Variants in CAPRIN1 observed in about 807,000 individuals in gnomAD.
The protein encoded by CAPRIN1 is caprin-1.
In CAPRIN1, 29 loss-of-function variants were observed where a neutral mutation model predicts 100.9. That is an observed-to-expected ratio of 0.29 (90% confidence interval 0.21 to 0.39). CAPRIN1 has a LOEUF of 0.39. CAPRIN1 is among the 10% of genes least tolerant of loss of function. The probability of loss-of-function intolerance (pLI) is 1.00; values close to 1 mark genes in which losing one functional copy is unlikely to be tolerated. For synonymous variants in CAPRIN1, 338 were observed against 307.5 expected (o/e 1.10, Z -1.04); for missense variants, 795 against 876.7 (o/e 0.91, Z 1.18).
chr11:34,081,289 C>G (rs1851023121), intron 7 of CAPRIN1, among the ~76,000 whole-genome samples: 1 of 151,776 alleles, frequency 6.6e-6, no homozygotes, highest in African/African-American at 2.4e-5. Context: ...CAACCTCTGC[C>G]TCCCGGGTTC....
At chr11:34,084,009 T>G (rs757117748) in intron 9 of CAPRIN1, among the ~76,000 whole-genome samples, 1 of 152,114 alleles carries the variant, frequency 6.6e-6, no homozygotes, top group Non-Finnish European at 1.5e-5. Flanking sequence ...ACAGAAGTTG[T>G]AGTGAGCTGA....
rs1457050046 is a variant in CAPRIN1, at chr11:34,101,530, G to A, written c.*2163G>A. Among the ~76,000 whole-genome samples the A allele has an allele frequency of 3.9e-5, 6 of 152,194 alleles. No homozygotes were observed. The highest frequency in any genetic ancestry group is 5.9e-5 in the Non-Finnish European group (4 of 68,010). ...ACTTCTATGCATTAGTGCAGATGTT[G>A]TGAATGTGTAAAGGTGTTCATAGTT... On this transcript the variant is annotated 3_prime_UTR_variant, in exon 19 of 19. Coordinates refer to ENST00000341394, the MANE Select transcript of CAPRIN1 (RefSeq NM_005898.5).
intron 18 of CAPRIN1, chr11:34,099,006 A>G: frequency 7.9e-7 from 1 of 1,259,090 alleles, no homozygotes; most frequent in African/African-American, 1.5e-5. Context: ...CCAACGCTTG[A>G]TGATGGTGCC....
rs1034433101 is a variant in CAPRIN1, at chr11:34,101,887, A to T, written c.*2520A>T. On this transcript the variant is annotated 3_prime_UTR_variant, in exon 19 of 19. Transcript: ENST00000341394. Reference sequence around the variant, plus strand: ...TGTAGCCTCTTGGTGTAGCAAGCTCACATACAAAATACTTTTGTATATGCA... The same window carrying T: ...TGTAGCCTCTTGGTGTAGCAAGCTCTCATACAAAATACTTTTGTATATGCA... Among the ~76,000 whole-genome samples, 3 of 152,222 alleles carry T rather than the reference A, an allele frequency of 2.0e-5. No homozygotes were observed. The highest frequency in any genetic ancestry group is 2.0e-4 in the Admixed American group (3 of 15,292).
Position 34,101,131 on chromosome 11 carries a change from A to G in CAPRIN1, c.*1764A>G, listed in dbSNP as rs977563062. ...GGGGATCTTCAATGTTTATTTTAAA[A>G]TAAAATAAAATAAGTTCTTGACTTT... On this transcript the variant is annotated 3_prime_UTR_variant, in exon 19 of 19. Transcript: ENST00000341394. The G allele has an allele frequency of 9.8e-5, 15 of 152,542 alleles. No individual in the cohort carries two copies. The East Asian group carries it at 2.7e-3, about 27-fold the overall frequency. The allele number at this position is 152,542 out of a possible 1,614,324, so 9.4% of individuals were successfully genotyped here. A position where few individuals can be genotyped will look rare whatever the true frequency, so the allele number is the denominator to read the frequency against.
intron 7 of CAPRIN1, among the ~76,000 whole-genome samples, chr11:34,080,287 G>C (rs755479691): frequency 6.6e-6 from 1 of 152,156 alleles, no homozygotes; most frequent in Non-Finnish European, 1.5e-5. Context: ...ATTTGTCTTA[G>C]TAGTCATTTG....
rs377629603 is a variant in CAPRIN1, at chr11:34,065,044, C to T, written c.217-6682C>T. ...GCGCTATCTCGGCTCACTGCAAGCT[C>T]CACCTCCCGGGTTCTCACCTTTCTC... On this transcript the variant is annotated intron_variant, in intron 2 of 18. Transcript: ENST00000341394. Among the ~76,000 whole-genome samples, 40 of 150,628 alleles carry T rather than the reference C, an allele frequency of 2.7e-4. No homozygotes were observed. The South Asian group carries it at 8.5e-3, about 32-fold the overall frequency.
rs1444473456 is a variant in CAPRIN1, at chr11:34,101,762, GTATAA to G, written c.*2399_*2403del. ...TCTGAATCTTGGTTCTAAGCATTCTGTATAATATGTGATTGCTTGTCCTAGCTGCA... is the reference window on the plus strand; with the variant it reads ...TCTGAATCTTGGTTCTAAGCATTCTGTATGTGATTGCTTGTCCTAGCTGCA... On this transcript the variant is annotated 3_prime_UTR_variant, in exon 19 of 19. Coordinates refer to ENST00000341394, the MANE Select transcript of CAPRIN1 (RefSeq NM_005898.5). Among the ~76,000 whole-genome samples, 2 of 152,122 alleles carry G rather than the reference GTATAA, an allele frequency of 1.3e-5. No individual in the cohort carries two copies. The highest frequency in any genetic ancestry group is 1.3e-4 in the Admixed American group (2 of 15,262).
intron 6 of CAPRIN1, among the ~76,000 whole-genome samples, chr11:34,078,859 C>T (rs972490535): frequency 6.6e-6 from 1 of 152,154 alleles, no homozygotes; most frequent in Non-Finnish European, 1.5e-5. Flanking sequence ...CCTTTTGTGG[C>T]CTCACTCTGA....
intron 18 of CAPRIN1, chr11:34,099,094 T>G: frequency 7.0e-7 from 1 of 1,423,262 alleles, no homozygotes; most frequent in Non-Finnish European, 9.2e-7. Flanking sequence ...CCATTAGCTT[T>G]ACTCTTCTTT....
intron 18 of CAPRIN1, chr11:34,098,160 C>A (rs779863809): frequency 4.4e-5 from 44 of 1,001,546 alleles, no homozygotes; most frequent in Non-Finnish European, 4.9e-5. Flanking sequence ...TTGAAACATG[C>A]CTATTATATT....
In CAPRIN1 at chr11:34,100,209, C is replaced by T. The variant is rs2134142304; in HGVS notation, c.*842C>T. The T allele has an allele frequency of 6.6e-6, 1 of 152,284 alleles. No individual in the cohort carries two copies. Among genetic ancestry groups the T allele is most frequent in the South Asian group, 2.1e-4 (1 of 4,832 alleles). 9.4% of individuals were successfully genotyped at this position (152,284 alleles called of 1,614,324 possible). ...TATCTATCATTCCTTATGACATGTA[C>T]ATTGTCTGTCACTAATCCTTGGATT... On this transcript the variant is annotated 3_prime_UTR_variant, in exon 19 of 19. Coordinates refer to ENST00000341394, the MANE Select transcript of CAPRIN1 (RefSeq NM_005898.5).
chr11:34,098,712 C>G, intron 18 of CAPRIN1: 1 of 985,234 alleles, frequency 1.0e-6, no homozygotes, highest in Non-Finnish European at 1.2e-6. Flanking sequence ...TGTTCTTTCC[C>G]ACCTTGTAGC....
chr11:34,069,943 T>C (rs1219893714), intron 2 of CAPRIN1, among the ~76,000 whole-genome samples: 1 of 151,628 alleles, frequency 6.6e-6, no homozygotes, highest in Non-Finnish European at 1.5e-5. Context: ...CAAAACTTAT[T>C]ACCATTGCTT....
In CAPRIN1 at chr11:34,097,855, T is replaced by C. The variant is rs949504973; in HGVS notation, c.2065+94T>C. ...ATAGTCTGCATGTTAGGAATACATT[T>C]ATCCTTTCCAGACTTGTTGCTAGGG... On this transcript the variant is annotated intron_variant, in intron 18 of 18. Coordinates refer to ENST00000341394, the MANE Select transcript of CAPRIN1 (RefSeq NM_005898.5). The C allele has an allele frequency of 3.8e-6, 6 of 1,593,492 alleles. No individual in the cohort carries two copies. The African/African-American group carries it at 5.4e-5, about 14-fold the overall frequency.
chr11:34,080,272 A>G (rs1488225258), intron 7 of CAPRIN1, among the ~76,000 whole-genome samples: 1 of 152,100 alleles, frequency 6.6e-6, no homozygotes, highest in African/African-American at 2.4e-5. Context: ...ACCAGTATTC[A>G]TTATATTTGT....
chr11:34,057,287 C>G (rs1565081369), intron 2 of CAPRIN1, among the ~76,000 whole-genome samples: 1 of 152,056 alleles, frequency 6.6e-6, no homozygotes, highest in Non-Finnish European at 1.5e-5. Context: ...ATTTGTTTCC[C>G]TTTGCTTGAC....
intron 2 of CAPRIN1, among the ~76,000 whole-genome samples, chr11:34,067,900 A>T (rs1850730258): frequency 6.6e-6 from 1 of 152,194 alleles, no homozygotes; most frequent in African/African-American, 2.4e-5. Flanking sequence ...TGAGTTTCAC[A>T]TACTGGCTGT....
rs2134111195 is a variant in CAPRIN1, at chr11:34,076,790, G to A, written c.688+148G>A. The stretch of plus-strand genomic sequence containing the variant: ...ACTCTGTTGCCCAGGTTGGAGTGTA[G>A]TAGTGTGATCTCAGCTCACAGCAAC... On this transcript the variant is annotated intron_variant, in intron 6 of 18. Coordinates refer to ENST00000341394, the MANE Select transcript of CAPRIN1 (RefSeq NM_005898.5). 4 of 619,332 alleles carry A rather than the reference G, an allele frequency of 6.5e-6. No homozygotes were observed. In the East Asian group the frequency reaches 8.3e-5, roughly 13 times the overall value. 38.4% of individuals were successfully genotyped at this position (619,332 alleles called of 1,614,324 possible).
Sources: allele counts gnomAD v4.1 joint callset (sites outside exome capture counted in the v4.1 genomes callset), GRCh38; gene constraint gnomAD v4.1.1; transcripts MANE v1.5; gene names NCBI Gene and HGNC (gene_info 2026-07-23, HGNC 2026-07-21).